CNBD1: variants seen among roughly 807,000 people sequenced by gnomAD.
CNBD1 encodes the protein cyclic nucleotide binding domain containing 1, also known as cyclic nucleotide-binding domain-containing protein 1.
Under a neutral mutation model 54.4 loss-of-function variants are expected in CNBD1, and 71 were observed. The observed-to-expected ratio is 1.30, with a 90% CI of 1.08 to 1.59. The LOEUF is 1.59. CNBD1 is among the 40% of genes most tolerant of loss of function. The pLI is 0.00. For missense variants in CNBD1, 659 were observed against 518.0 expected (o/e 1.27, Z -2.64); for synonymous variants, 182 against 170.7 (o/e 1.07, Z -0.51).
At chr8:86,969,013 G>A (rs761292804) in intron 4 of CNBD1, among the ~76,000 whole-genome samples, 28 of 152,222 alleles carry the variant, frequency 1.8e-4, no homozygotes, top group Admixed American at 1.2e-3. Flanking sequence ...GAAGTATGTA[G>A]CTTTTTATTT....
chr8:87,330,231 C>CT (rs3055413), intron 8 of CNBD1, among the ~76,000 whole-genome samples: 21,682 of 130,634 alleles, frequency 0.17, 2,401 homozygotes, highest in African/African-American at 0.32. Flanking sequence ...TTCCTTCTCT[C>CT]TTTTTTTTTT....
At chr8:86,928,976 AAGTCCCC>A (rs1369687294) in intron 3 of CNBD1, among the ~76,000 whole-genome samples, 1 of 152,182 alleles carries the variant, frequency 6.6e-6, no homozygotes, top group Non-Finnish European at 1.5e-5. Flanking sequence ...CCCCCTGTGA[AAGTCCCC>A]ATTCTTTTTC....
chr8:87,109,020 T>C (rs1039088001), intron 4 of CNBD1, among the ~76,000 whole-genome samples: 3 of 152,220 alleles, frequency 2.0e-5, no homozygotes, highest in African/African-American at 7.2e-5. Context: ...GCTTATATAC[T>C]ATTATTTTTA....
chr8:86,901,228 A>C (rs536068072), intron 2 of CNBD1, among the ~76,000 whole-genome samples: 1 of 152,286 alleles, frequency 6.6e-6, no homozygotes, highest in African/African-American at 2.4e-5. Flanking sequence ...AGTCAGCTTA[A>C]TTCATACCAA....
At chr8:86,885,354 T>C (rs77267346) in intron 1 of CNBD1, among the ~76,000 whole-genome samples, 3 of 152,160 alleles carry the variant, frequency 2.0e-5, no homozygotes, top group African/African-American at 7.2e-5. Flanking sequence ...TTTTAATTTC[T>C]CAATGGGTTC....
intron 4 of CNBD1, among the ~76,000 whole-genome samples, chr8:87,035,383 A>T (rs1586212710): frequency 6.6e-6 from 1 of 152,332 alleles, no homozygotes; most frequent in South Asian, 2.1e-4. Flanking sequence ...GTCCCCAGTG[A>T]TGTTAGCCTC....
rs538158578 is a variant in CNBD1 at position 87,354,199 on chromosome 8, C to G, written c.1303+413C>G. 2.0e-5 allele frequency among the ~76,000 whole-genome samples: 3 copies of G among 152,188 alleles called. No individual in the cohort carries two copies. In the South Asian group the frequency reaches 6.2e-4, roughly 32 times the overall value. ...GAAAATGGGAGCCTTGTCTCATTCT[C>G]TGTGTGAGTCCTTAGGATAATGGTA... On this transcript the variant is annotated intron_variant, in intron 10 of 10. Transcript: ENST00000518476.
At chr8:86,960,333 T>TA (rs1807895496) in intron 4 of CNBD1, among the ~76,000 whole-genome samples, 1 of 152,088 alleles carries the variant, frequency 6.6e-6, no homozygotes. Context: ...ACCAGGAGAT[T>TA]ATATCCCGCT....
intron 2 of CNBD1, among the ~76,000 whole-genome samples, chr8:87,412,293 A>G (rs1016952440): frequency 1.6e-4 from 24 of 152,106 alleles, no homozygotes; most frequent in African/African-American, 5.8e-4. Context: ...AAATGTTAAA[A>G]CTAAGATGAA....
chr8:87,195,192 T>C (rs1054734215), intron 4 of CNBD1, among the ~76,000 whole-genome samples: 2 of 150,386 alleles, frequency 1.3e-5, no homozygotes, highest in Admixed American at 1.3e-4. Flanking sequence ...CCGTTTAGTA[T>C]TTTTTAGTGT....
At chr8:87,281,511 G>GT (rs1383629517) in intron 6 of CNBD1, among the ~76,000 whole-genome samples, 3 of 109,578 alleles carry the variant, frequency 2.7e-5, no homozygotes, top group Non-Finnish European at 5.6e-5. Context: ...TCTACTATTT[G>GT]TTTTTTTCAT....
intron 8 of CNBD1, among the ~76,000 whole-genome samples, chr8:87,287,432 C>T (rs1260352166): frequency 6.6e-6 from 1 of 152,072 alleles, no homozygotes; most frequent in Non-Finnish European, 1.5e-5. Context: ...TTCCTCACAG[C>T]CAGTGAAGGA....
intron 10 of CNBD1, among the ~76,000 whole-genome samples, chr8:87,374,653 G>T (rs1033603035): frequency 1.2e-4 from 18 of 151,692 alleles, no homozygotes; most frequent in African/African-American, 4.4e-4. Context: ...ACTGGCTCTG[G>T]TTAATAGAAT....
chr8:86,994,471 G>T (rs1016137234), intron 4 of CNBD1, among the ~76,000 whole-genome samples: 7 of 152,212 alleles, frequency 4.6e-5, no homozygotes, highest in African/African-American at 1.4e-4. Flanking sequence ...AATCCTGGGG[G>T]ATAGGGTGCC....
At chr8:87,118,419 C>G (rs1299846303) in intron 4 of CNBD1, among the ~76,000 whole-genome samples, 1 of 150,950 alleles carries the variant, frequency 6.6e-6, no homozygotes, top group Non-Finnish European at 1.5e-5. Context: ...ATAGGAGGGT[C>G]AGGGTGAATT....
At chr8:87,013,274 A>C (rs1323974693) in intron 4 of CNBD1, among the ~76,000 whole-genome samples, 2 of 152,170 alleles carry the variant, frequency 1.3e-5, no homozygotes, top group Admixed American at 6.5e-5. Flanking sequence ...TCCTAATGCA[A>C]GTTTGGAGGT....
intron 4 of CNBD1, among the ~76,000 whole-genome samples, chr8:86,961,804 A>C (rs1022980411): frequency 6.6e-6 from 1 of 152,248 alleles, no homozygotes; most frequent in Non-Finnish European, 1.5e-5. Context: ...TTTCTTTCAA[A>C]ATAGTTGATC....
chr8:87,235,946 T>A (rs1481733553), intron 5 of CNBD1, among the ~76,000 whole-genome samples: 1 of 152,022 alleles, frequency 6.6e-6, no homozygotes, highest in Non-Finnish European at 1.5e-5. Context: ...TAAAGAAGCA[T>A]GAAAATCACT....
At chr8:87,281,742 G>A (rs1018531640) in intron 6 of CNBD1, among the ~76,000 whole-genome samples, 2 of 150,408 alleles carry the variant, frequency 1.3e-5, no homozygotes. Flanking sequence ...AATAGATATT[G>A]CCAGATAATT....
Sources: allele counts gnomAD v4.1 joint callset (sites outside exome capture counted in the v4.1 genomes callset), GRCh38; gene constraint gnomAD v4.1.1; transcripts MANE v1.5; gene names NCBI Gene and HGNC (gene_info 2026-07-23, HGNC 2026-07-21).